PPFIBP1: variants seen among roughly 807,000 people sequenced by gnomAD.
PPFIBP1 encodes liprin-beta-1.
In PPFIBP1, 112 loss-of-function variants were observed where a neutral mutation model predicts 137.8. That is an observed-to-expected ratio of 0.81 (90% confidence interval 0.70 to 0.95). The LOEUF (loss-of-function observed/expected upper bound fraction) is 0.95. Among genes scored for constraint, PPFIBP1 ranks in the 40% least tolerant of loss-of-function variants. The probability of loss-of-function intolerance (pLI) is 0.00; values close to 1 mark genes in which losing one functional copy is unlikely to be tolerated. For synonymous variants in PPFIBP1, 378 were observed against 417.3 expected (o/e 0.91, Z 1.15); for missense variants, 1,083 against 1,196.6 (o/e 0.91, Z 1.40).
chr12:27,690,652 A>G (rs1225776883), intron 27 of PPFIBP1, among the ~76,000 whole-genome samples: 1 of 152,256 alleles, frequency 6.6e-6, no homozygotes, highest in Non-Finnish European at 1.5e-5. Context: ...TGGCTTCCAT[A>G]ATCCATGTAT....
chr12:27,563,805 G>T (rs1450296064), intron 1 of PPFIBP1, among the ~76,000 whole-genome samples: 1 of 151,992 alleles, frequency 6.6e-6, no homozygotes, highest in African/African-American at 2.4e-5. Flanking sequence ...TTAACATAAA[G>T]GGACTTAAGG....
chr12:27,666,793 A>G (rs563963958), intron 12 of PPFIBP1, among the ~76,000 whole-genome samples: 1 of 152,374 alleles, frequency 6.6e-6, no homozygotes, highest in East Asian at 1.9e-4. Context: ...TTTTTGTACC[A>G]GGTATTCTTC....
intron 13 of PPFIBP1, among the ~76,000 whole-genome samples, 196 bp from the exon 14 acceptor site, chr12:27,671,235 T>C (rs2060183560): frequency 6.6e-6 from 1 of 152,238 alleles, no homozygotes; most frequent in African/African-American, 2.4e-5. Context: ...AAAAGTTTCC[T>C]TCCTCCAGAA....
intron 2 of PPFIBP1, chr12:27,593,770 C>T: frequency 1.3e-6 from 1 of 780,206 alleles, no homozygotes; most frequent in South Asian, 2.2e-5. Context: ...ATGTCCCAGG[C>T]CAGGAAGATG....
intron 1 of PPFIBP1, among the ~76,000 whole-genome samples, chr12:27,551,917 G>A (rs892882720): frequency 6.6e-6 from 1 of 152,184 alleles, no homozygotes; most frequent in African/African-American, 2.4e-5. Context: ...AGAAGACACC[G>A]AAAGAGCCTT....
intron 4 of PPFIBP1, among the ~76,000 whole-genome samples, chr12:27,641,438 A>G (rs1292780867): frequency 6.6e-6 from 1 of 152,206 alleles, no homozygotes; most frequent in African/African-American, 2.4e-5. Context: ...ATAAGTAAAA[A>G]CAGTGGGTGA....
At chr12:27,541,702 C>G (rs982807384) in intron 1 of PPFIBP1, among the ~76,000 whole-genome samples, 1 of 152,236 alleles carries the variant, frequency 6.6e-6, no homozygotes, top group African/African-American at 2.4e-5. Flanking sequence ...TGGCACTTAG[C>G]TGTTTTGCAA....
rs767694554 is a variant in PPFIBP1, at chr12:27,681,566, C to T, written c.1916C>T (p.Ala639Val). 6.2e-7 allele frequency: 1 copy of T among 1,613,998 alleles called. No individual in the cohort carries two copies. The highest frequency in any genetic ancestry group is 1.1e-5 in the South Asian group (1 of 91,058). ...TGTAGTGACTTGGATATGCCATTTG[C>T]CAAGTGGACCAAGGAGCAGGTTTGC... Reference protein sequence around the residue: ...QSNSDLDMPFAKWTKEQVCNW... With the variant: ...QSNSDLDMPFVKWTKEQVCNW... Residue 639 changes from alanine (A) to valine (V), a missense_variant, in exon 22 of 30, where the codon GCC (alanine) becomes GTC (valine). Ala to Val is a moderately conservative substitution (Grantham distance 64). Coordinates refer to ENST00000228425, the MANE Select transcript of PPFIBP1 (RefSeq NM_003622.4).
At chr12:27,671,145 GA>G (rs914635764) in intron 13 of PPFIBP1, among the ~76,000 whole-genome samples, 234 of 150,680 alleles carry the variant, frequency 1.6e-3, no homozygotes, top group African/African-American at 5.5e-3. Context: ...TCAAAAAAAA[GA>G]AAAAAAAATT....
At chr12:27,667,889 A>C (rs1203329008) in intron 13 of PPFIBP1, among the ~76,000 whole-genome samples, 1 of 152,146 alleles carries the variant, frequency 6.6e-6, no homozygotes, top group Non-Finnish European at 1.5e-5. Flanking sequence ...TGAGCATTCC[A>C]AGAGGCCCGG....
chr12:27,633,305 C>A (rs2057388855), intron 2 of PPFIBP1, 57 bp from the exon 3 acceptor site: 2 of 1,185,830 alleles, frequency 1.7e-6, no homozygotes, highest in Non-Finnish European at 2.5e-6. Flanking sequence ...GAATTAGAAA[C>A]CCACTAGCAA....
At chr12:27,675,743 G>A (rs1283347004) in intron 17 of PPFIBP1, among the ~76,000 whole-genome samples, 1 of 152,026 alleles carries the variant, frequency 6.6e-6, no homozygotes, top group Non-Finnish European at 1.5e-5. Context: ...AAAACATAGG[G>A]GAAACACTTC....
intron 1 of PPFIBP1, among the ~76,000 whole-genome samples, chr12:27,562,878 G>A (rs981005569): frequency 1.5e-4 from 23 of 152,208 alleles, no homozygotes; most frequent in African/African-American, 5.1e-4. Flanking sequence ...CCAGTTCATG[G>A]TTATACCCTG....
At chr12:27,558,596 AACAC>A (rs71039821) in intron 1 of PPFIBP1, among the ~76,000 whole-genome samples, 4 of 119,866 alleles carry the variant, frequency 3.3e-5, no homozygotes, top group African/African-American at 7.0e-5. Context: ...CCTCTCCACC[AACAC>A]ACACACACAC....
intron 7 of PPFIBP1, 28 bp from the exon 8 acceptor site, chr12:27,654,694 A>G: frequency 6.2e-7 from 1 of 1,602,028 alleles, no homozygotes; most frequent in Non-Finnish European, 8.5e-7. Flanking sequence ...CACTTTCCTA[A>G]TGTACTTTCT....
Position 27,633,461 on chromosome 12 carries a change from G to T in PPFIBP1, c.64+1G>T. 1 of 1,611,490 alleles carries T rather than the reference G, an allele frequency of 6.2e-7. No homozygotes were observed. Among genetic ancestry groups the T allele is most frequent in the Non-Finnish European group, 8.5e-7 (1 of 1,179,224 alleles). ...GAGCAGATGGATGGTATCATAGCAG[G>T]TGATCTGCATCCTGTGAAAGACAGA... On this transcript the variant is annotated splice_donor_variant, in intron 3 of 29. Transcript: ENST00000228425. LOFTEE classifies it high-confidence loss of function.
intron 1 of PPFIBP1, among the ~76,000 whole-genome samples, chr12:27,546,362 A>G (rs1048144205): frequency 6.6e-6 from 1 of 152,212 alleles, no homozygotes; most frequent in Non-Finnish European, 1.5e-5. Flanking sequence ...CACATGTAAA[A>G]TGCTGTAAAA....
intron 1 of PPFIBP1, among the ~76,000 whole-genome samples, chr12:27,530,569 C>T (rs1944304839): frequency 6.6e-6 from 1 of 152,226 alleles, no homozygotes; most frequent in East Asian, 1.9e-4. Flanking sequence ...ATGACTTGCA[C>T]TTCATGTGGG....
chr12:27,676,410 T>C lies in PPFIBP1; in HGVS notation c.1411-18T>C, dbSNP rs1171264455. ...GCTGCACCTGAGAGCTGTTTCACTATTCTTATTTGCCTCTCAGGACAGAGC... is the reference window on the plus strand; with the variant it reads ...GCTGCACCTGAGAGCTGTTTCACTACTCTTATTTGCCTCTCAGGACAGAGC... On this transcript the variant is annotated intron_variant, in intron 17 of 29. Transcript: ENST00000228425. The C allele has an allele frequency of 9.5e-6, 14 of 1,466,986 alleles. No individual in the cohort carries two copies. Among genetic ancestry groups the C allele is most frequent in the Non-Finnish European group, 1.3e-5 (14 of 1,105,934 alleles). The allele number at this position is 1,466,986 out of a possible 1,614,324, so 90.9% of individuals were successfully genotyped here. A position where few individuals can be genotyped will look rare whatever the true frequency, so the allele number is the denominator to read the frequency against.
Sources: allele counts gnomAD v4.1 joint callset (sites outside exome capture counted in the v4.1 genomes callset), GRCh38; gene constraint gnomAD v4.1.1; transcripts MANE v1.5; gene names NCBI Gene and HGNC (gene_info 2026-07-23, HGNC 2026-07-21).